The following NPAS3 variants were observed in gnomAD, a reference collection of about 807,000 sequenced individuals.
The protein encoded by NPAS3 is neuronal PAS domain protein 3.
Under a neutral mutation model 73.1 loss-of-function variants are expected in NPAS3, and 14 were observed. That is an observed-to-expected ratio of 0.19 (90% CI 0.13 to 0.30). NPAS3 has a LOEUF of 0.30. Among genes scored for constraint, NPAS3 ranks in the 10% least tolerant of loss-of-function variants. The pLI is 1.00. For missense variants in NPAS3, 1,096 were observed against 1,250.0 expected, an observed-to-expected ratio of 0.88 and a Z score of 1.86; for synonymous variants, 620 against 541.5, an observed-to-expected ratio of 1.14 and a Z score of -2.01.
At chr14:33,087,198 A>AATATATAGTATACAATATAATATTGT (rs1566545939) in intron 2 of NPAS3, among the ~76,000 whole-genome samples, 4,920 of 113,348 alleles carry the variant, frequency 0.043, 194 homozygotes, top group African/African-American at 0.069. Flanking sequence ...AATATTGTAT[A>AATATATAGTATACAATATAATATTGT]ATAATATAGT....
chr14:33,638,122 C>T (rs2140167776), intron 5 of NPAS3, among the ~76,000 whole-genome samples: 1 of 152,286 alleles, frequency 6.6e-6, no homozygotes, highest in Admixed American at 6.5e-5. Flanking sequence ...GAAATTATAG[C>T]AAAAAGTATT....
chr14:33,116,253 A>G (rs1277336011), intron 2 of NPAS3, among the ~76,000 whole-genome samples: 1 of 152,164 alleles, frequency 6.6e-6, no homozygotes, highest in Non-Finnish European at 1.5e-5. Flanking sequence ...GAAGTTAAAC[A>G]GTAAACATGC....
intron 2 of NPAS3, among the ~76,000 whole-genome samples, chr14:33,200,699 G>T (rs917738196): frequency 1.3e-5 from 2 of 152,082 alleles, no homozygotes; most frequent in African/African-American, 4.8e-5. Context: ...TGGATTTTTG[G>T]CTTCTTTCTG....
intron 4 of NPAS3, among the ~76,000 whole-genome samples, chr14:33,526,407 C>A (rs574283160): frequency 6.6e-6 from 1 of 150,446 alleles, no homozygotes; most frequent in African/African-American, 2.4e-5. Context: ...ACCTATTGGA[C>A]AAATTTTTGA....
At chr14:33,662,873 T>C (rs1034906934) in intron 5 of NPAS3, among the ~76,000 whole-genome samples, 1 of 142,036 alleles carries the variant, frequency 7.0e-6, no homozygotes, top group African/African-American at 2.6e-5. Context: ...GTTTTCCTTT[T>C]TTTTTTTTTT....
intron 2 of NPAS3, among the ~76,000 whole-genome samples, chr14:33,090,879 C>T (rs2042202027): frequency 1.3e-5 from 2 of 152,306 alleles, no homozygotes; most frequent in South Asian, 2.1e-4. Flanking sequence ...AACTGAACAA[C>T]CTGCTCCTGA....
At chr14:33,720,438 G>A (rs2061075340) in intron 6 of NPAS3, among the ~76,000 whole-genome samples, 3 of 152,164 alleles carry the variant, frequency 2.0e-5, no homozygotes, top group Admixed American at 2.0e-4. Flanking sequence ...CAACACTTGG[G>A]TAGTTGTTTG....
At chr14:33,174,923 TA>T (rs770568962) in intron 2 of NPAS3, among the ~76,000 whole-genome samples, 4 of 152,198 alleles carry the variant, frequency 2.6e-5, no homozygotes, top group Non-Finnish European at 4.4e-5. Flanking sequence ...ATCATGGTCA[TA>T]ACCATTCACC....
chr14:33,355,525 C>T (rs2045299506), intron 3 of NPAS3, among the ~76,000 whole-genome samples: 1 of 152,210 alleles, frequency 6.6e-6, no homozygotes, highest in African/African-American at 2.4e-5. Context: ...GTCTCGACCC[C>T]TTGACCTCAT....
At chr14:33,668,338 T>TTTA (rs1003525651) in intron 5 of NPAS3, among the ~76,000 whole-genome samples, 6 of 152,220 alleles carry the variant, frequency 3.9e-5, no homozygotes, top group Non-Finnish European at 8.8e-5. Flanking sequence ...CATTTTATTG[T>TTTA]TTATTATTAT....
At chr14:33,074,358 T>G (rs940865567) in intron 2 of NPAS3, among the ~76,000 whole-genome samples, 1 of 152,224 alleles carries the variant, frequency 6.6e-6, no homozygotes, top group Non-Finnish European at 1.5e-5. Context: ...GCCTGTGCAT[T>G]AAGGTACCAA....
intron 1 of NPAS3, among the ~76,000 whole-genome samples, chr14:32,988,006 C>T (rs2038164812): frequency 6.6e-6 from 1 of 152,010 alleles, no homozygotes; most frequent in African/African-American, 2.4e-5. Flanking sequence ...ATTAATTTCC[C>T]CTCCTGATTC....
chr14:33,247,557 C>T (rs577591918), intron 3 of NPAS3, among the ~76,000 whole-genome samples: 91 of 152,246 alleles, frequency 6.0e-4, no homozygotes, highest in Admixed American at 1.0e-3. Context: ...ATTGTGCATT[C>T]GTGTAGGCTT....
chr14:33,375,051 G>A (rs746012951), intron 4 of NPAS3, among the ~76,000 whole-genome samples: 2 of 152,102 alleles, frequency 1.3e-5, no homozygotes, highest in Non-Finnish European at 2.9e-5. Flanking sequence ...CTAGGAAGTT[G>A]CATCTTCTTA....
chr14:33,009,631 G>A (rs1483642428), intron 1 of NPAS3, among the ~76,000 whole-genome samples: 1 of 152,124 alleles, frequency 6.6e-6, no homozygotes, highest in East Asian at 1.9e-4. Flanking sequence ...TTCACCAAGA[G>A]TTTTATGCCA....
At chr14:33,345,960 CG>C (rs2044707246) in intron 3 of NPAS3, among the ~76,000 whole-genome samples, 1 of 152,018 alleles carries the variant, frequency 6.6e-6, no homozygotes, top group South Asian at 2.1e-4. Flanking sequence ...GGGCTGGGCA[CG>C]GTGGTTCATG....
chr14:33,376,348 A>T (rs1345493564), intron 4 of NPAS3, among the ~76,000 whole-genome samples: 2 of 152,192 alleles, frequency 1.3e-5, no homozygotes, highest in Non-Finnish European at 2.9e-5. Flanking sequence ...ACTGATGGGC[A>T]CATTAGGGCT....
At chr14:33,558,853 T>G (rs2055493986) in intron 4 of NPAS3, among the ~76,000 whole-genome samples, 1 of 151,766 alleles carries the variant, frequency 6.6e-6, no homozygotes, top group Non-Finnish European at 1.5e-5. Context: ...ACGGCCTTTT[T>G]TTTTTTTTTA....
intron 6 of NPAS3, among the ~76,000 whole-genome samples, chr14:33,688,520 A>G (rs1438656800): frequency 6.6e-6 from 1 of 152,050 alleles, no homozygotes; most frequent in East Asian, 1.9e-4. Context: ...GACCCACCCA[A>G]TGCAAGCAGA....
Sources: allele counts gnomAD v4.1 joint callset (sites outside exome capture counted in the v4.1 genomes callset), GRCh38; gene constraint gnomAD v4.1.1; transcripts MANE v1.5; gene names NCBI Gene and HGNC (gene_info 2026-07-23, HGNC 2026-07-21).